Variants in CTU2 observed in about 807,000 individuals in gnomAD.
The protein encoded by CTU2 is cytosolic thiouridylase subunit 2.
In CTU2, 80 loss-of-function variants were observed where a neutral mutation model predicts 64.1. That is an observed-to-expected ratio of 1.25 (90% CI 1.04 to 1.50). The LOEUF (loss-of-function observed/expected upper bound fraction) is 1.50. Ranked by LOEUF, CTU2 falls within the 40% of genes most tolerant of loss-of-function variation. The probability of loss-of-function intolerance (pLI) is 0.00; values close to 1 mark genes in which losing one functional copy is unlikely to be tolerated. For missense variants in CTU2, 1,110 were observed against 690.2 expected (o/e 1.61, Z -6.81); for synonymous variants, 482 against 285.3 (o/e 1.69, Z -6.95).
intron 1 of CTU2, 120 bp from the exon 2 acceptor site, chr16:88,707,016 C>T (rs1167525764): frequency 1.0e-5 from 9 of 887,760 alleles, no homozygotes; most frequent in African/African-American, 4.9e-5. Context: ...GTGTGTGTAC[C>T]GAGGTGCCTT....
At chr16:88,707,337 G>A (rs1329142815) in intron 2 of CTU2, 127 bp downstream of exon 2, 4 of 896,932 alleles carry the variant, frequency 4.5e-6, no homozygotes, top group Admixed American at 2.1e-5. Flanking sequence ...GCTCCTGATG[G>A]GGTCCCTCGT....
At position 88,707,106 on chromosome 16, in the gene CTU2, TC is replaced by T. The variant is rs1222919751; in HGVS notation, c.69-29del. On this transcript the variant is annotated intron_variant, in intron 1 of 14. Transcript: ENST00000453996. The stretch of plus-strand genomic sequence containing the variant: ...GCGTGGGGAAGATGTGATCTGTGTT[TC>T]TCTCTTCTCCCCCCTCCCATCTCCA... 3 of 1,608,108 alleles carry T rather than the reference TC, an allele frequency of 1.9e-6. No homozygotes were observed. In the African/African-American group the frequency reaches 4.0e-5, roughly 21 times the overall value.
chr16:88,714,573 C>G lies in CTU2; in HGVS notation c.1202-14C>G, dbSNP rs765038363. On this transcript the variant is annotated splice_polypyrimidine_tract_variant and intron_variant, in intron 11 of 14. Coordinates refer to ENST00000453996, the MANE Select transcript of CTU2 (RefSeq NM_001012759.3). The stretch of plus-strand genomic sequence containing the variant: ...CAGCAGCCCCAGGCTCCGTCACCCC[C>G]TCTCTGCTTGCAGACAGTGCCACGG... 1.2e-6 allele frequency: 2 copies of G among 1,612,598 alleles called. No homozygotes were observed. The highest frequency in any genetic ancestry group is 2.2e-5 in the East Asian group (1 of 44,870).
chr16:88,712,453 T>G (rs1052705895), intron 6 of CTU2, 70 bp downstream of exon 6: 5 of 1,449,966 alleles, frequency 3.4e-6, no homozygotes, highest in Non-Finnish European at 3.7e-6. Context: ...TGTCCCAGCC[T>G]CACTGGCCTC....
rs28685172 is a variant in CTU2, at chr16:88,707,576, C to G, written c.143+366C>G. On this transcript the variant is annotated intron_variant, in intron 2 of 14. Transcript: ENST00000453996. ...GCATCTTGGGAACTTGGCAGATGGTCTGGGTGAAAGTTTTTAATCTCGTGT... is the reference window on the plus strand; with the variant it reads ...GCATCTTGGGAACTTGGCAGATGGTGTGGGTGAAAGTTTTTAATCTCGTGT... Among the ~76,000 whole-genome samples the G allele has an allele frequency of 2.4e-3, 359 of 152,192 alleles. 3 individuals carry two copies. Among genetic ancestry groups the G allele is most frequent in the African/African-American group, 7.9e-3 (327 of 41,512 alleles).
In CTU2 at chr16:88,714,413, G is replaced by T; in HGVS notation, c.1128G>T (p.Arg376=). 1.2e-6 allele frequency: 2 copies of T among 1,612,528 alleles called. No individual in the cohort carries two copies. Among genetic ancestry groups the T allele is most frequent in the African/African-American group, 2.7e-5 (2 of 75,050 alleles). Residue 376 remains arginine (R), a synonymous_variant, in exon 11 of 15, where the codon CGG becomes CGT. Coordinates refer to ENST00000453996, the MANE Select transcript of CTU2 (RefSeq NM_001012759.3). ...RTSEKLVKGP[R]DGPAAGDSGP... ...GTGAGAAGCTGGTGAAGGGCCCCCG[G>T]GATGGCCCTGCTGCTGGCGACTCCG...
chr16:88,710,105 AG>A (rs1411777902), intron 3 of CTU2, 89 bp downstream of exon 3: 1 of 1,572,640 alleles, frequency 6.4e-7, no homozygotes, highest in African/African-American at 1.3e-5. Context: ...GGCCTGCTGC[AG>A]CCCGCCAGCT....
chr16:88,713,987 G>A (rs185435037), intron 9 of CTU2, 149 bp from the exon 10 acceptor site: 203 of 1,022,082 alleles, frequency 2.0e-4, no homozygotes, highest in South Asian at 3.2e-4. Flanking sequence ...CTGCTGAAGC[G>A]GGTTCTCTGG....
rs4782321 is a variant in CTU2, at chr16:88,713,767, G to A, written c.994G>A (p.Val332Ile). 0.12 allele frequency: 199,947 copies of A among 1,612,612 alleles called. 14,345 individuals are homozygous for A. The highest frequency in any genetic ancestry group is 0.15 in the Non-Finnish European group (173,373 of 1,179,842). Residue 332 changes from valine to isoleucine, a missense_variant, in exon 9 of 15, where the codon GTC (valine) becomes ATC (isoleucine). By Grantham distance (29) the Val-to-Ile change is conservative. Transcript: ENST00000453996. Reference sequence around the variant, plus strand: ...CGTTCCTTCTGTCTTCACACCAGCCGTCGACACCAAGGTGGGCCTTGTGGG... The same window carrying A: ...CGTTCCTTCTGTCTTCACACCAGCCATCGACACCAAGGTGGGCCTTGTGGG... ...FSVPSVFTPA[V>I]DTKAPEKASI...
Position 88,707,235 on chromosome 16 carries a change from C to A in CTU2, c.143+25C>A, listed in dbSNP as rs896582884. 5 of 1,609,648 alleles carry A rather than the reference C, an allele frequency of 3.1e-6. No homozygotes were observed. The East Asian group carries it at 1.1e-4, about 36-fold the overall frequency. ...GGTGAGGCCTGGAGGTGGCTGAGACCCTGGCAAACATGGCCTCGCTAGCAG... is the reference window on the plus strand; with the variant it reads ...GGTGAGGCCTGGAGGTGGCTGAGACACTGGCAAACATGGCCTCGCTAGCAG... On this transcript the variant is annotated intron_variant, in intron 2 of 14. Transcript: ENST00000453996.
chr16:88,714,388 G>A lies in CTU2; in HGVS notation c.1103G>A (p.Ser368Asn), dbSNP rs1278155707. The change falls in exon 11 of 15, where the codon AGT becomes AAT. Residue 368 changes from serine to asparagine, a missense_variant. Coordinates refer to ENST00000453996, the MANE Select transcript of CTU2 (RefSeq NM_001012759.3). ...CTCCCACAATCCGGCCACAGGACAA[G>A]TGAGAAGCTGGTGAAGGGCCCCCGG... is the stretch of plus-strand genomic sequence containing the variant. ...PSTVSTVYRT[S>N]EKLVKGPRDG... The A allele has an allele frequency of 6.2e-7, 1 of 1,612,340 alleles. No homozygotes were observed. The highest frequency in any genetic ancestry group is 2.2e-5 in the East Asian group (1 of 44,886).
At chr16:88,710,604 G>A (rs911424677) in intron 4 of CTU2, 14 of 364,730 alleles carry the variant, frequency 3.8e-5, no homozygotes, top group African/African-American at 2.1e-4. Flanking sequence ...TCCACAGTGC[G>A]TGTGTGCGGC....
chr16:88,707,441 T>G (rs913482395), intron 2 of CTU2, among the ~76,000 whole-genome samples: 3 of 152,182 alleles, frequency 2.0e-5, no homozygotes, highest in African/African-American at 7.2e-5. Context: ...AGGTTTCTGA[T>G]GGAACTTATG....
At position 88,714,618 on chromosome 16, in the gene CTU2, C is replaced by T. The variant is rs999924689; in HGVS notation, c.1233C>T (p.Ser411=). 4 of 1,612,638 alleles carry T rather than the reference C, an allele frequency of 2.5e-6. No individual in the cohort carries two copies. The highest frequency in any genetic ancestry group is 1.3e-5 in the African/African-American group (1 of 75,018). Reference sequence around the variant, plus strand: ...CCACGGCTTTTGGGGCTCAGACCTCCTCGCGTCTCTCCCAGATGCAGTCAC... The same window carrying T: ...CCACGGCTTTTGGGGCTCAGACCTCTTCGCGTCTCTCCCAGATGCAGTCAC... ...DSATAFGAQT[S]SRLSQMQSPI... is the part of the protein sequence containing the mutation. The change falls in exon 12 of 15, where the codon TCC becomes TCT. Residue 411 remains serine, a synonymous_variant. Transcript: ENST00000453996.
At chr16:88,709,508 G>A (rs1231951112) in intron 2 of CTU2, 3 of 169,592 alleles carry the variant, frequency 1.8e-5, no homozygotes, top group Admixed American at 1.8e-4. Context: ...TCCTCGCTGT[G>A]GCCCGCTCCA....
chr16:88,709,992 C>G lies in CTU2; in HGVS notation c.198C>G (p.Asn66Lys), dbSNP rs760949995. 6.6e-5 allele frequency: 106 copies of G among 1,613,842 alleles called. No individual in the cohort carries two copies. Among genetic ancestry groups the G allele is most frequent in the Non-Finnish European group, 8.1e-5 (96 of 1,180,026 alleles). Reference sequence around the variant, plus strand: ...AGTTCAGAGCCATGCTGGGCAAGAACCGGCTCATCTTTCCAGGCGAGAAGG... The same window carrying G: ...AGTTCAGAGCCATGCTGGGCAAGAAGCGGCTCATCTTTCCAGGCGAGAAGG... ...VHKFRAMLGK[N>K]RLIFPGEKVL... The change falls in exon 3 of 15, where the codon AAC becomes AAG. Residue 66 changes from asparagine to lysine, a missense_variant. Transcript: ENST00000453996.
rs1911842775 is a variant in CTU2, at chr16:88,715,085, A to C, written c.1457A>C (p.Glu486Ala). ...LDPLPPYILA[E>A]AQLRTQRAWG... ...CCCCTGCCGCCGTACATCCTGGCTG[A>C]GGCCCAGCTCCGCACACAGAGGTAC... The change falls in exon 14 of 15, where the codon GAG (glutamate) becomes GCG (alanine). Residue 486 changes from glutamate (E) to alanine (A), a missense_variant. Coordinates refer to ENST00000453996, the MANE Select transcript of CTU2 (RefSeq NM_001012759.3). The C allele has an allele frequency of 6.3e-7, 1 of 1,577,262 alleles. No individual in the cohort carries two copies. Among genetic ancestry groups the C allele is most frequent in the South Asian group, 1.2e-5 (1 of 86,176 alleles).
At chr16:88,714,790 CCT>C in intron 12 of CTU2, 53 bp downstream of exon 12, 1 of 1,608,182 alleles carries the variant, frequency 6.2e-7, no homozygotes, top group Non-Finnish European at 8.5e-7. Context: ...GGGAGGGGGA[CCT>C]GTCCTTACCC....
chr16:88,713,471 G>A (rs1911539035), intron 8 of CTU2, 24 bp downstream of exon 8: 1 of 1,565,390 alleles, frequency 6.4e-7, no homozygotes, highest in Non-Finnish European at 8.6e-7. Context: ...TGGGTGTTCA[G>A]GAGGCCCATC....
Sources: allele counts gnomAD v4.1 joint callset (sites outside exome capture counted in the v4.1 genomes callset), GRCh38; gene constraint gnomAD v4.1.1; transcripts MANE v1.5; gene names NCBI Gene and HGNC (gene_info 2026-07-23, HGNC 2026-07-21).